The following NFATC2 variants were observed in gnomAD, a reference collection of about 807,000 sequenced individuals.
NFATC2 encodes nuclear factor of activated T cells 2.
In NFATC2, 22 loss-of-function variants were observed where a neutral mutation model predicts 87.3. That is an observed-to-expected ratio of 0.25 (90% CI 0.18 to 0.36). The LOEUF (loss-of-function observed/expected upper bound fraction) is 0.36, where lower values mean the gene tolerates loss of function less well. Ranked by LOEUF, NFATC2 falls within the 10% of genes least tolerant of loss-of-function variation. The probability of loss-of-function intolerance (pLI) is 1.00; values close to 1 mark genes in which losing one functional copy is unlikely to be tolerated. For missense variants in NFATC2, 1,149 were observed against 1,259.1 expected, an observed-to-expected ratio of 0.91 and a Z score of 1.32; for synonymous variants, 565 against 542.2, an observed-to-expected ratio of 1.04 and a Z score of -0.58.
intron 9 of NFATC2, among the ~76,000 whole-genome samples, chr20:51,423,749 T>C (rs976504588): frequency 6.6e-6 from 1 of 152,194 alleles, no homozygotes; most frequent in African/African-American, 2.4e-5. Context: ...CTTGGTCCTC[T>C]TTTTTAGGAG....
At chr20:51,404,617 CT>C (rs1988376484) in intron 9 of NFATC2, among the ~76,000 whole-genome samples, 1 of 152,266 alleles carries the variant, frequency 6.6e-6, no homozygotes, top group East Asian at 1.9e-4. Flanking sequence ...ACAGAGGATG[CT>C]TGTTAACAGA....
chr20:51,525,445 G>A (rs1294781040), intron 1 of NFATC2, among the ~76,000 whole-genome samples: 1 of 152,070 alleles, frequency 6.6e-6, no homozygotes, highest in African/African-American at 2.4e-5. Flanking sequence ...TCTTCTAGCA[G>A]ACACCCTGCC....
At chr20:51,438,661 C>T (rs1313250222) in intron 6 of NFATC2, among the ~76,000 whole-genome samples, 1 of 152,202 alleles carries the variant, frequency 6.6e-6, no homozygotes, top group Non-Finnish European at 1.5e-5. Context: ...TTCTCATGGA[C>T]TGTCCTCTCC....
At chr20:51,400,757 A>G (rs923915197) in intron 9 of NFATC2, among the ~76,000 whole-genome samples, 1 of 152,090 alleles carries the variant, frequency 6.6e-6, no homozygotes, top group Non-Finnish European at 1.5e-5. Flanking sequence ...ATCCTCACAG[A>G]CATCTCCGGG....
intron 9 of NFATC2, among the ~76,000 whole-genome samples, chr20:51,418,452 C>G (rs1315502544): frequency 1.3e-5 from 2 of 152,146 alleles, no homozygotes; most frequent in Non-Finnish European, 2.9e-5. Context: ...GATAGCCCCT[C>G]ACAACAGAGA....
chr20:51,481,039 C>T (rs952104596), intron 3 of NFATC2, among the ~76,000 whole-genome samples: 1 of 152,144 alleles, frequency 6.6e-6, no homozygotes, highest in Admixed American at 6.5e-5. Context: ...GTGAAGAAAC[C>T]TCACCATCTT....
At chr20:51,504,502 T>C (rs1338662038) in intron 3 of NFATC2, among the ~76,000 whole-genome samples, 2 of 152,224 alleles carry the variant, frequency 1.3e-5, no homozygotes, top group Non-Finnish European at 2.9e-5. Flanking sequence ...TGGAAAATTA[T>C]CTCAAGGTCG....
rs2076496435 is a variant in NFATC2, at chr20:51,523,857, G to C, written c.384C>G (p.Leu128=). Residue 128 remains leucine (L), a synonymous_variant, in exon 2 of 11, where the codon CTC becomes CTG. Coordinates refer to ENST00000371564, the MANE Select transcript of NFATC2 (RefSeq NM_012340.5). This position sits in a 1 kb window ranked among gnomAD's most constrained non-coding sequence, Gnocchi z 6.9. Reference sequence around the variant, plus strand: ...CCAGGAGGCCCGCGTCTCTCATGCGGAGGGGCCCCACTGCCTGGATCAGTT... The same window carrying C: ...CCAGGAGGCCCGCGTCTCTCATGCGCAGGGGCCCCACTGCCTGGATCAGTT... The part of the protein sequence containing the change: ...SHELIQAVGP[L]RMRDAGLLVE... 1 of 1,610,068 alleles carries C rather than the reference G, an allele frequency of 6.2e-7. No individual in the cohort carries two copies. Among genetic ancestry groups the C allele is most frequent in the Non-Finnish European group, 8.5e-7 (1 of 1,178,232 alleles).
intron 9 of NFATC2, among the ~76,000 whole-genome samples, chr20:51,422,242 A>G (rs1183929267): frequency 6.6e-6 from 1 of 152,184 alleles, no homozygotes; most frequent in East Asian, 1.9e-4. Flanking sequence ...ATGACCAGAG[A>G]ATCCACTTCG....
intron 8 of NFATC2, among the ~76,000 whole-genome samples, chr20:51,433,021 G>T (rs1036300348): frequency 6.6e-6 from 1 of 152,076 alleles, no homozygotes; most frequent in African/African-American, 2.4e-5. Context: ...CTCAGCCCTG[G>T]GATGTTTACA....
intron 9 of NFATC2, among the ~76,000 whole-genome samples, chr20:51,412,829 T>G (rs1334874460): frequency 6.6e-6 from 1 of 151,992 alleles, no homozygotes; most frequent in Non-Finnish European, 1.5e-5. Flanking sequence ...GGGTGCAATC[T>G]CATGGGTCTC....
At chr20:51,441,386 G>T (rs1402306804) in intron 6 of NFATC2, among the ~76,000 whole-genome samples, 2 of 152,034 alleles carry the variant, frequency 1.3e-5, no homozygotes, top group Non-Finnish European at 2.9e-5. Context: ...CCTTCGAGTG[G>T]CAGCTCTCTG....
intron 5 of NFATC2, among the ~76,000 whole-genome samples, chr20:51,461,418 C>T (rs2146459759): frequency 6.6e-6 from 1 of 152,372 alleles, no homozygotes; most frequent in African/African-American, 2.4e-5. Context: ...TTGACCTCTG[C>T]TCCAGCTTAA....
intron 6 of NFATC2, among the ~76,000 whole-genome samples, chr20:51,450,731 C>T (rs995520155): frequency 6.6e-6 from 1 of 152,170 alleles, no homozygotes; most frequent in Non-Finnish European, 1.5e-5. Context: ...TTAGATGAGA[C>T]CACACACGGA....
chr20:51,467,573 AT>A (rs1949436580), intron 5 of NFATC2, among the ~76,000 whole-genome samples: 1 of 152,072 alleles, frequency 6.6e-6, no homozygotes, highest in Non-Finnish European at 1.5e-5. Context: ...AAATAAAAAA[AT>A]AGAAGACACA....
intron 6 of NFATC2, among the ~76,000 whole-genome samples, chr20:51,449,705 G>A (rs1203629574): frequency 2.0e-5 from 3 of 152,144 alleles, no homozygotes; most frequent in African/African-American, 7.2e-5. Flanking sequence ...GCTGCCTGAG[G>A]TCATCCCACC....
intron 9 of NFATC2, among the ~76,000 whole-genome samples, chr20:51,403,185 AAG>A (rs1988228227): frequency 6.6e-6 from 1 of 152,240 alleles, no homozygotes; most frequent in East Asian, 1.9e-4. Flanking sequence ...GATTTCCCAT[AAG>A]AGATGTCAAC....
chr20:51,502,782 C>T (rs891370620), intron 3 of NFATC2, among the ~76,000 whole-genome samples: 4 of 152,142 alleles, frequency 2.6e-5, no homozygotes, highest in African/African-American at 9.7e-5. Context: ...ATACAGGTTC[C>T]AAAAACTATT....
At chr20:51,518,589 A>C (rs2146699794) in intron 2 of NFATC2, among the ~76,000 whole-genome samples, 1 of 152,258 alleles carries the variant, frequency 6.6e-6, no homozygotes, top group Middle Eastern at 3.4e-3. Context: ...ATTTTGAAAT[A>C]TCGAAAATGG....
Sources: gnomAD v4.1 joint callset for allele counts (sites outside exome capture counted in the v4.1 genomes callset) on GRCh38, gnomAD v4.1.1 for gene constraint, Gnocchi (gnomAD v3.1) non-coding constraint, MANE v1.5 for transcripts, NCBI Gene and HGNC (gene_info 2026-07-23, HGNC 2026-07-21) for gene names.